Variants in DCUN1D1 observed in about 807,000 individuals in gnomAD.
DCUN1D1 encodes DCN1-like protein 1.
DCUN1D1 carries 3 observed loss-of-function variants against 39.0 expected under a neutral mutation model. The ratio of observed to expected loss-of-function variants is 0.08; its 90% CI spans 0.04 to 0.20. DCUN1D1 has a LOEUF of 0.20. Ranked by LOEUF, DCUN1D1 falls within the 10% of genes least tolerant of loss-of-function variation. DCUN1D1 has a pLI of 1.00. For missense variants in DCUN1D1, 158 were observed against 302.4 expected (o/e 0.52, Z 3.54); for synonymous variants, 82 against 96.3 (o/e 0.85, Z 0.87).
Position 182,975,432 on chromosome 3 carries a change from C to T in DCUN1D1, c.3+5055G>A, listed in dbSNP as rs1246819140. Among the ~76,000 whole-genome samples, 8 of 151,798 alleles carry T rather than the reference C, an allele frequency of 5.3e-5. No individual in the cohort carries two copies. The South Asian group carries it at 6.2e-4, about 12-fold the overall frequency. ...ACCTTGTGATCCGCCCGCCTCAGCCCCCCGAAGTACTGGGATTACAGGTGT... is the reference window on the plus strand; with the variant it reads ...ACCTTGTGATCCGCCCGCCTCAGCCTCCCGAAGTACTGGGATTACAGGTGT... On this transcript the variant is annotated intron_variant, in intron 1 of 6. Transcript: ENST00000292782.
Position 182,961,265 on chromosome 3 carries a change from T to A in DCUN1D1, c.481A>T (p.Thr161Ser). The A allele has an allele frequency of 6.3e-7, 1 of 1,584,196 alleles. No individual in the cohort carries two copies. The highest frequency in any genetic ancestry group is 8.6e-7 in the Non-Finnish European group (1 of 1,160,318). ...PGRFKDFYQF[T>S]FNFAKNPGQK... ...CCTGGATTCTTTGCAAAATTAAAAG[T>A]AAACTGGTAAAAATCCTTAAATCGT... The change falls in exon 4 of 7, where the codon ACT (threonine) becomes TCT (serine). Residue 161 changes from threonine (T) to serine (S), a missense_variant. Thr to Ser is a moderately conservative substitution (Grantham distance 58). Transcript: ENST00000292782.
At chr3:182,963,731 C>A in intron 3 of DCUN1D1, 150 bp downstream of exon 3, 6 of 637,712 alleles carry the variant, frequency 9.4e-6, no homozygotes, top group Non-Finnish European at 1.5e-5. Context: ...ACCCAAAAAA[C>A]TGTATAACAT....
intron 4 of DCUN1D1, chr3:182,955,929 C>CTTT (rs71185615): frequency 1.1e-4 from 15 of 132,260 alleles, no homozygotes; most frequent in South Asian, 2.4e-4. Flanking sequence ...GCTTATCAAA[C>CTTT]TTTTTTTTTT....
At chr3:182,963,647 C>G (rs890454868) in intron 3 of DCUN1D1, among the ~76,000 whole-genome samples, 5 of 152,058 alleles carry the variant, frequency 3.3e-5, no homozygotes, top group African/African-American at 1.2e-4. Context: ...TACTAATGAA[C>G]CTGCCTTAGA....
chr3:182,957,885 C>G (rs546374367), intron 4 of DCUN1D1, among the ~76,000 whole-genome samples: 4 of 138,710 alleles, frequency 2.9e-5, no homozygotes, highest in African/African-American at 1.0e-4. Flanking sequence ...CTGCAGTGAG[C>G]CACGATTGCA....
chr3:182,967,889 A>G (rs556504961), intron 1 of DCUN1D1, among the ~76,000 whole-genome samples: 1 of 152,340 alleles, frequency 6.6e-6, no homozygotes, highest in African/African-American at 2.4e-5. Flanking sequence ...TTTATTTTAA[A>G]ACTCAGTATA....
intron 3 of DCUN1D1, 70 bp from the exon 4 acceptor site, chr3:182,961,426 T>G: frequency 7.6e-7 from 1 of 1,322,264 alleles, no homozygotes; most frequent in Non-Finnish European, 1.1e-6. Flanking sequence ...CTTATTCCCA[T>G]GAGGGCTTAC....
chr3:182,960,633 TA>T (rs1727333244), intron 4 of DCUN1D1, among the ~76,000 whole-genome samples: 1 of 152,210 alleles, frequency 6.6e-6, no homozygotes. Context: ...TAGCACTATC[TA>T]ATCTTTTTAG....
chr3:182,947,193 A>C (rs763405351), intron 6 of DCUN1D1, 45 bp downstream of exon 6: 1 of 1,070,504 alleles, frequency 9.3e-7, no homozygotes, highest in Non-Finnish European at 1.4e-6. Flanking sequence ...GTATGGGATA[A>C]AAAGGCACAT....
At chr3:182,948,971 C>A (rs1192682018) in intron 4 of DCUN1D1, among the ~76,000 whole-genome samples, 1 of 151,214 alleles carries the variant, frequency 6.6e-6, no homozygotes, top group Non-Finnish European at 1.5e-5. Flanking sequence ...TCGCTTGAAA[C>A]CGGAAGGCGG....
intron 1 of DCUN1D1, among the ~76,000 whole-genome samples, chr3:182,978,018 C>G (rs1373484121): frequency 7.7e-6 from 1 of 130,332 alleles, no homozygotes; most frequent in Non-Finnish European, 1.6e-5. Context: ...CCAGCCTGGG[C>G]AACAGAGCAA....
chr3:182,962,598 T>G (rs1644218928), intron 3 of DCUN1D1, among the ~76,000 whole-genome samples: 1 of 152,184 alleles, frequency 6.6e-6, no homozygotes, highest in South Asian at 2.1e-4. Context: ...AATCTCAGCC[T>G]TGTGGGGATC....
Position 182,961,400 on chromosome 3 carries a change from A to G in DCUN1D1, c.390-44T>C, listed in dbSNP as rs1727387604. Reference sequence around the variant, plus strand: ...TTTATAAAAGATTAACTGTTTCACTATAAATTAATAACTTACTTATTCCCA... The same window carrying G: ...TTTATAAAAGATTAACTGTTTCACTGTAAATTAATAACTTACTTATTCCCA... On this transcript the variant is annotated intron_variant, in intron 3 of 6. Transcript: ENST00000292782. 5 of 1,496,214 alleles carry G rather than the reference A, an allele frequency of 3.3e-6. No individual in the cohort carries two copies. In the Admixed American group the frequency reaches 8.8e-5, roughly 26 times the overall value. 92.7% of individuals were successfully genotyped at this position (1,496,214 alleles called of 1,614,324 possible). A position where few individuals can be genotyped will look rare whatever the true frequency, so the allele number is the denominator to read the frequency against.
At chr3:182,954,975 A>G (rs1391659250) in intron 4 of DCUN1D1, among the ~76,000 whole-genome samples, 2 of 151,650 alleles carry the variant, frequency 1.3e-5, no homozygotes, top group Admixed American at 1.3e-4. Context: ...TGATTTCCTC[A>G]TTAGGATTTC....
At position 182,963,647 on chromosome 3, in the gene DCUN1D1, C is replaced by A. The variant is rs890454868; in HGVS notation, c.389+234G>T. ...AATGCATAATTTTAATACTAATGAA[C>A]CTGCCTTAGAAGTAAATGATAAGAA... On this transcript the variant is annotated intron_variant, in intron 3 of 6. Transcript: ENST00000292782. Among the ~76,000 whole-genome samples the A allele has an allele frequency of 2.6e-5, 4 of 152,176 alleles. 1 individual carries two copies. Among genetic ancestry groups the A allele is most frequent in the Admixed American group, 1.3e-4 (2 of 15,286 alleles).
In DCUN1D1 at chr3:182,947,293, A is replaced by G; in HGVS notation, c.645T>C (p.Leu215=). The G allele has an allele frequency of 1.2e-6, 2 of 1,610,550 alleles. No individual in the cohort carries two copies. The highest frequency in any genetic ancestry group is 1.7e-6 in the Non-Finnish European group (2 of 1,178,652). The change falls in exon 6 of 7, where the codon CTT becomes CTC. Residue 215 remains leucine, a synonymous_variant. Coordinates refer to ENST00000292782, the MANE Select transcript of DCUN1D1 (RefSeq NM_020640.4). ...KRSIPKDTWN[L]LLDFSTMIAD... ...CAATCATCGTACTGAAGTCTAAAAG[A>G]AGATTCCAAGTGTCTTTTGGTATTG... is the stretch of plus-strand genomic sequence containing the variant.
At chr3:182,955,828 G>T in intron 4 of DCUN1D1, 1 of 223,024 alleles carries the variant, frequency 4.5e-6, no homozygotes, top group Non-Finnish European at 9.2e-6. Flanking sequence ...AGATCCACCT[G>T]CCTTGGCCTC....
At chr3:182,963,070 G>A (rs73066918) in intron 3 of DCUN1D1, among the ~76,000 whole-genome samples, 2,708 of 152,210 alleles carry the variant, frequency 0.018, 94 homozygotes, top group African/African-American at 0.063. Flanking sequence ...ATGAGCCACC[G>A]CGCCTAGCCC....
intron 1 of DCUN1D1, among the ~76,000 whole-genome samples, chr3:182,969,557 T>G (rs940038268): frequency 1.3e-5 from 2 of 152,208 alleles, no homozygotes; most frequent in African/African-American, 4.8e-5. Context: ...ATATATGCCA[T>G]TTATTTAAAT....
Sources: allele counts gnomAD v4.1 joint callset (sites outside exome capture counted in the v4.1 genomes callset), GRCh38; gene constraint gnomAD v4.1.1; transcripts MANE v1.5; gene names NCBI Gene and HGNC (gene_info 2026-07-23, HGNC 2026-07-21).